RNF222: variants seen among roughly 807,000 people sequenced by gnomAD.
RNF222 encodes RING finger protein LOC643904.
A neutral mutation model predicts 10.8 loss-of-function variants in RNF222; 14 were observed. That is an observed-to-expected ratio of 1.30 (90% CI 0.86 to 2.03). RNF222 has a LOEUF of 2.03. Ranked by LOEUF, RNF222 falls within the 30% of genes most tolerant of loss-of-function variation. The pLI is 0.00. For missense variants in RNF222, 298 were observed against 295.8 expected (o/e 1.01, Z -0.06); for synonymous variants, 141 against 142.5 (o/e 0.99, Z 0.07).
In RNF222 at chr17:8,392,812, C is replaced by T. The variant is rs1441317963; in HGVS notation, c.650G>A (p.Arg217Lys). The change falls in exon 3 of 3, where the codon AGG becomes AAG. Residue 217 changes from arginine to lysine, a missense_variant. Arg to Lys is a conservative substitution (Grantham distance 26, BLOSUM62 2). Transcript: ENST00000399398. The surrounding 1 kb of genome is among the most constrained non-coding windows in gnomAD (Gnocchi z 4.3). ...CTGAGGTGCGGCTCACGCCTGCTTC[C>T]TCACCAGCAGCACCCAGGGCAGGAT... Reference protein sequence around the residue: ...AAILPWVLLVRKQA With the variant: ...AAILPWVLLVKKQA 2 of 1,531,654 alleles carry T rather than the reference C, an allele frequency of 1.3e-6. No homozygotes were observed. The highest frequency in any genetic ancestry group is 2.4e-5 in the East Asian group (1 of 40,856). The allele number at this position is 1,531,654 out of a possible 1,614,324, so 94.9% of individuals were successfully genotyped here.
In RNF222 at chr17:8,392,557, G is replaced by A; in HGVS notation, c.*242C>T. The A allele has an allele frequency of 7.4e-6, 4 of 541,258 alleles. No individual in the cohort carries two copies. Among genetic ancestry groups the A allele is most frequent in the Non-Finnish European group, 1.3e-5 (4 of 308,046 alleles). The allele number at this position is 541,258 out of a possible 1,614,324, so 33.5% of individuals were successfully genotyped here. ...CACCCATCTTCCCAGCCTAGAGGAAGGGGAACGCATCTGCTGAGGATTCAC... is the reference window on the plus strand; with the variant it reads ...CACCCATCTTCCCAGCCTAGAGGAAAGGGAACGCATCTGCTGAGGATTCAC... On this transcript the variant is annotated 3_prime_UTR_variant, in exon 3 of 3. Transcript: ENST00000399398. The surrounding 1 kb of genome is among the most constrained non-coding windows in gnomAD (Gnocchi z 4.3).
chr17:8,396,923 G>A (rs1908056866), intron 1 of RNF222, among the ~76,000 whole-genome samples: 1 of 152,166 alleles, frequency 6.6e-6, no homozygotes, highest in Non-Finnish European at 1.5e-5. Context: ...AATGCAGTAA[G>A]TGCCAAAGCA....
chr17:8,390,877 T>C lies in RNF222; in HGVS notation c.*1922A>G, dbSNP rs915591083. 1.3e-5 allele frequency: 2 copies of C among 152,126 alleles called. No individual in the cohort carries two copies. The highest frequency in any genetic ancestry group is 2.4e-5 in the African/African-American group (1 of 41,416). 9.4% of individuals were successfully genotyped at this position (152,126 alleles called of 1,614,324 possible). A position where few individuals can be genotyped will look rare whatever the true frequency, so the allele number is the denominator to read the frequency against. Reference sequence around the variant, plus strand: ...AGACTAGAACCAGGTTCCCAGAAATTCATGACACTGTTTAAAACAGCCTGG... The same window carrying C: ...AGACTAGAACCAGGTTCCCAGAAATCCATGACACTGTTTAAAACAGCCTGG... On this transcript the variant is annotated 3_prime_UTR_variant, in exon 3 of 3. Transcript: ENST00000399398.
In RNF222 at chr17:8,392,639, G is replaced by GC; in HGVS notation, c.*159dup. Reference sequence around the variant, plus strand: ...GCTCCAGCCTCTCTGTCGAGCGGAAGCCCCTGCGGGGGTCGGGGAAGCCCA... The same window carrying GC: ...GCTCCAGCCTCTCTGTCGAGCGGAAGCCCCCTGCGGGGGTCGGGGAAGCCCA... On this transcript the variant is annotated 3_prime_UTR_variant, in exon 3 of 3. Transcript: ENST00000399398. The surrounding 1 kb of genome is among the most constrained non-coding windows in gnomAD (Gnocchi z 4.3). 1.2e-6 allele frequency: 1 copy of GC among 853,012 alleles called. No homozygotes were observed. Among genetic ancestry groups the GC allele is most frequent in the Non-Finnish European group, 1.7e-6 (1 of 575,560 alleles). The allele number at this position is 853,012 out of a possible 1,614,324, so 52.8% of individuals were successfully genotyped here. A position where few individuals can be genotyped will look rare whatever the true frequency, so the allele number is the denominator to read the frequency against.
At chr17:8,395,365 C>G (rs1396692445) in intron 1 of RNF222, among the ~76,000 whole-genome samples, 1 of 152,194 alleles carries the variant, frequency 6.6e-6, no homozygotes, top group Admixed American at 6.5e-5. Context: ...TCTCAGTTTC[C>G]TGTCCATAAG....
At chr17:8,393,683 T>G (rs1161298769) in intron 2 of RNF222, among the ~76,000 whole-genome samples, 197 bp from the exon 3 acceptor site, 3 of 151,928 alleles carry the variant, frequency 2.0e-5, no homozygotes, top group African/African-American at 7.3e-5. Flanking sequence ...ACCCAGACCC[T>G]TAGGAGGAGA....
In RNF222 at chr17:8,394,158, C is replaced by T. The variant is rs1907964533; in HGVS notation, c.-26+20G>A. ...CCCTCCACATAGTCACGTCAGGGAGCTTTAGGTTCATTCCCTCACCTGCCA... is the reference window on the plus strand; with the variant it reads ...CCCTCCACATAGTCACGTCAGGGAGTTTTAGGTTCATTCCCTCACCTGCCA... On this transcript the variant is annotated intron_variant, in intron 2 of 2. Transcript: ENST00000399398. 6.6e-6 allele frequency: 1 copy of T among 152,264 alleles called. No individual in the cohort carries two copies. Among genetic ancestry groups the T allele is most frequent in the Non-Finnish European group, 1.5e-5 (1 of 68,054 alleles). The allele number at this position is 152,264 out of a possible 1,614,324, so 9.4% of individuals were successfully genotyped here. A position where few individuals can be genotyped will look rare whatever the true frequency, so the allele number is the denominator to read the frequency against.
chr17:8,393,421 C>A lies in RNF222; in HGVS notation c.41G>T (p.Cys14Phe). The change falls in exon 3 of 3, where the codon TGC becomes TTC. Residue 14 changes from cysteine to phenylalanine, a missense_variant. Transcript: ENST00000399398. ...CCGGAACTTCTCATAGCACACGGGG[C>A]ACTCACTGCCCGAGCTGTCCTTGCT... ...GESKDSSGSE[C>F]PVCYEKFRDL... 4 of 1,551,432 alleles carry A rather than the reference C, an allele frequency of 2.6e-6. No homozygotes were observed. The highest frequency in any genetic ancestry group is 3.5e-6 in the Non-Finnish European group (4 of 1,146,862).
chr17:8,393,724 G>C (rs1438198259), intron 2 of RNF222, among the ~76,000 whole-genome samples: 1 of 152,208 alleles, frequency 6.6e-6, no homozygotes, highest in Non-Finnish European at 1.5e-5. Flanking sequence ...GGAGAATCGG[G>C]AGACAGAGAA....
intron 1 of RNF222, among the ~76,000 whole-genome samples, chr17:8,396,512 T>C (rs1908042295): frequency 6.6e-6 from 1 of 152,072 alleles, no homozygotes; most frequent in African/African-American, 2.4e-5. Context: ...CTCTGGGCAA[T>C]CCTTCTCCCT....
rs1907830223 is a variant in RNF222 at position 8,391,591 on chromosome 17, A to G, written c.*1208T>C. The G allele has an allele frequency of 6.6e-6, 1 of 152,098 alleles. No homozygotes were observed. Among genetic ancestry groups the G allele is most frequent in the Admixed American group, 6.6e-5 (1 of 15,256 alleles). The allele number at this position is 152,098 out of a possible 1,614,324, so 9.4% of individuals were successfully genotyped here. ...GTGCAGACCACCACTTAGTTGAGAT[A>G]ATTGCTGGAGGTTTTTGTTGTTTTC... On this transcript the variant is annotated 3_prime_UTR_variant, in exon 3 of 3. Transcript: ENST00000399398.
At chr17:8,397,375 G>A (rs1189600583) in intron 1 of RNF222, among the ~76,000 whole-genome samples, 4 of 152,112 alleles carry the variant, frequency 2.6e-5, no homozygotes, top group Non-Finnish European at 4.4e-5. Flanking sequence ...CTCCCCCACA[G>A]CAGTAGCCCA....
At chr17:8,396,558 T>C (rs914722092) in intron 1 of RNF222, among the ~76,000 whole-genome samples, 1 of 151,738 alleles carries the variant, frequency 6.6e-6, no homozygotes, top group Non-Finnish European at 1.5e-5. Context: ...CCTTCCCTCT[T>C]ACAACGATGG....
chr17:8,392,313 G>C lies in RNF222; in HGVS notation c.*486C>G, dbSNP rs1466229905. 6.2e-6 allele frequency: 1 copy of C among 160,268 alleles called. No individual in the cohort carries two copies. The highest frequency in any genetic ancestry group is 2.4e-5 in the African/African-American group (1 of 41,490). The allele number at this position is 160,268 out of a possible 1,614,324, so 9.9% of individuals were successfully genotyped here. A position where few individuals can be genotyped will look rare whatever the true frequency, so the allele number is the denominator to read the frequency against. On this transcript the variant is annotated 3_prime_UTR_variant, in exon 3 of 3. Coordinates refer to ENST00000399398, the MANE Select transcript of RNF222 (RefSeq NM_001146684.3). The surrounding 1 kb of genome is among the most constrained non-coding windows in gnomAD (Gnocchi z 4.3). The stretch of plus-strand genomic sequence containing the variant: ...GTGCTGTGGTGGAGGTCGGGGGTGA[G>C]TGCTGAGATTCTGGGCGCCCCTTCT...
In RNF222 at chr17:8,393,391, A is replaced by G; in HGVS notation, c.71T>C (p.Leu24Pro). Reference protein sequence around the residue: ...CPVCYEKFRDLEGASRTLSCG... With the variant: ...CPVCYEKFRDPEGASRTLSCG... ...GCTCAGCGTCCGGCTGGCGCCCTCC[A>G]GGTCCCGGAACTTCTCATAGCACAC... is the stretch of plus-strand genomic sequence containing the variant. The change falls in exon 3 of 3, where the codon CTG (leucine) becomes CCG (proline). Residue 24 changes from leucine to proline, a missense_variant. Transcript: ENST00000399398. 1 of 1,551,660 alleles carries G rather than the reference A, an allele frequency of 6.4e-7. No homozygotes were observed. The highest frequency in any genetic ancestry group is 1.4e-5 in the African/African-American group (1 of 73,168).
intron 1 of RNF222, among the ~76,000 whole-genome samples, chr17:8,395,917 C>A (rs1236289216): frequency 6.6e-6 from 1 of 152,192 alleles, no homozygotes; most frequent in Non-Finnish European, 1.5e-5. Context: ...TCTATCCATC[C>A]ATCCATCTGT....
In RNF222 at chr17:8,392,506, T is replaced by C. The variant is rs1176412971; in HGVS notation, c.*293A>G. ...GCAGGTAAGGTCTGCCGCTCAGGGCTGGTGAGCCTGCAGGAGGGCAGTGAC... is the reference window on the plus strand; with the variant it reads ...GCAGGTAAGGTCTGCCGCTCAGGGCCGGTGAGCCTGCAGGAGGGCAGTGAC... On this transcript the variant is annotated 3_prime_UTR_variant, in exon 3 of 3. Coordinates refer to ENST00000399398, the MANE Select transcript of RNF222 (RefSeq NM_001146684.3). This position sits in a 1 kb window ranked among gnomAD's most constrained non-coding sequence, Gnocchi z 4.3. The C allele has an allele frequency of 2.3e-6, 1 of 441,134 alleles. No homozygotes were observed. The highest frequency in any genetic ancestry group is 4.1e-6 in the Non-Finnish European group (1 of 245,884). The allele number at this position is 441,134 out of a possible 1,614,324, so 27.3% of individuals were successfully genotyped here. A position where few individuals can be genotyped will look rare whatever the true frequency, so the allele number is the denominator to read the frequency against.
chr17:8,392,451 G>A lies in RNF222; in HGVS notation c.*348C>T, dbSNP rs1325622121. On this transcript the variant is annotated 3_prime_UTR_variant, in exon 3 of 3. Coordinates refer to ENST00000399398, the MANE Select transcript of RNF222 (RefSeq NM_001146684.3). The surrounding 1 kb of genome is among the most constrained non-coding windows in gnomAD (Gnocchi z 4.3). ...CTGCAGGACTTTCTTGTCCCTGGAG[G>A]GGCCCACCTGGCTTTGGGCAGGTCA... 3 of 277,874 alleles carry A rather than the reference G, an allele frequency of 1.1e-5. No homozygotes were observed. The highest frequency in any genetic ancestry group is 5.1e-5 in the South Asian group (1 of 19,428). 17.2% of individuals were successfully genotyped at this position (277,874 alleles called of 1,614,324 possible).
At chr17:8,394,438 G>GTTTTTT (rs36018609) in intron 1 of RNF222, 109 bp from the exon 2 acceptor site, 1 of 133,052 alleles carries the variant, frequency 7.5e-6, no homozygotes. Flanking sequence ...AAGATGGTTT[G>GTTTTTT]TTTTTTTTTT....
Sources: gnomAD v4.1 joint callset for allele counts (sites outside exome capture counted in the v4.1 genomes callset) on GRCh38, gnomAD v4.1.1 for gene constraint, Gnocchi (gnomAD v3.1) non-coding constraint, MANE v1.5 for transcripts, NCBI Gene and HGNC (gene_info 2026-07-23, HGNC 2026-07-21) for gene names.